Variants in SYNPO2 observed in about 807,000 individuals in gnomAD.
SYNPO2 encodes synaptopodin 2.
SYNPO2 carries 56 observed loss-of-function variants against 85.0 expected under a neutral mutation model. The ratio of observed to expected loss-of-function variants is 0.66; its 90% CI spans 0.53 to 0.82. The LOEUF (loss-of-function observed/expected upper bound fraction) is 0.82. SYNPO2 is among the 40% of genes least tolerant of loss of function. The pLI is 0.00. For missense variants in SYNPO2, 1,575 were observed against 1,534.2 expected (o/e 1.03, Z -0.44); for synonymous variants, 602 against 591.1 (o/e 1.02, Z -0.27).
At chr4:118,918,187 AT>A (rs1733417007) in intron 1 of SYNPO2, among the ~76,000 whole-genome samples, 1 of 152,188 alleles carries the variant, frequency 6.6e-6, no homozygotes, top group Non-Finnish European at 1.5e-5. Flanking sequence ...TAAAAAATCC[AT>A]TTTTTAAACA....
intron 1 of SYNPO2, among the ~76,000 whole-genome samples, chr4:118,961,523 A>G (rs1002082300): frequency 3.3e-5 from 5 of 152,160 alleles, no homozygotes; most frequent in African/African-American, 1.2e-4. Context: ...AGTATCCCCT[A>G]AGAGAGGCAT....
At chr4:118,887,254 G>A (rs987588059), upstream of SYNPO2, among the ~76,000 whole-genome samples, 1 of 151,880 alleles carries the variant, frequency 6.6e-6, no homozygotes, top group African/African-American at 2.4e-5. Flanking sequence ...CCTGCCTTGC[G>A]CCCTAAGCTG....
In SYNPO2 at chr4:119,026,876, A is replaced by G. The variant is rs752222529; in HGVS notation, c.507A>G (p.Gln169=). ...GCCCGAGCTACCAAAGGGCTCCCCAAATGCCTGACTCCCAAAGAGGACGCG... is the reference window on the plus strand; with the variant it reads ...GCCCGAGCTACCAAAGGGCTCCCCAGATGCCTGACTCCCAAAGAGGACGCG... ...ETGPSYQRAP[Q]MPDSQRGRVA... Residue 169 remains glutamine, a synonymous_variant, in exon 3 of 5, where the codon CAA becomes CAG. Transcript: ENST00000307142. The G allele has an allele frequency of 3.1e-6, 5 of 1,614,118 alleles. No homozygotes were observed. The Admixed American group carries it at 5.0e-5, about 16-fold the overall frequency.
chr4:118,926,111 A>G (rs534664362), intron 1 of SYNPO2, among the ~76,000 whole-genome samples: 43 of 152,238 alleles, frequency 2.8e-4, no homozygotes, highest in Middle Eastern at 3.4e-3. Flanking sequence ...AAGGTGTAGC[A>G]TGGAGTGTTT....
At chr4:118,957,951 A>G (rs984580031) in intron 1 of SYNPO2, among the ~76,000 whole-genome samples, 1 of 152,210 alleles carries the variant, frequency 6.6e-6, no homozygotes, top group Non-Finnish European at 1.5e-5. Context: ...ATATGCAGCC[A>G]CTTTTCTTGC....
intron 1 of SYNPO2, among the ~76,000 whole-genome samples, chr4:118,966,754 G>A (rs1437493007): frequency 6.6e-6 from 1 of 152,072 alleles, no homozygotes; most frequent in Non-Finnish European, 1.5e-5. Context: ...CCTGTATTGG[G>A]TATTACCTGA....
intron 4 of SYNPO2, among the ~76,000 whole-genome samples, chr4:119,048,271 G>A (rs1310622805): frequency 6.6e-6 from 1 of 152,200 alleles, no homozygotes; most frequent in East Asian, 1.9e-4. Flanking sequence ...ACTGATGTGT[G>A]AGAGGGGCTA....
chr4:118,925,820 G>C (rs1162757661), intron 1 of SYNPO2, among the ~76,000 whole-genome samples: 3 of 148,374 alleles, frequency 2.0e-5, no homozygotes, highest in Non-Finnish European at 4.5e-5. Context: ...AATTCTGCTC[G>C]GTGAGTTTGG....
intron 3 of SYNPO2, among the ~76,000 whole-genome samples, chr4:119,028,222 GTTT>G (rs11317450): frequency 4.4e-5 from 6 of 135,468 alleles, no homozygotes; most frequent in African/African-American, 8.1e-5. Flanking sequence ...ATTTTTGTTT[GTTT>G]TTTTTTTTTT....
intron 4 of SYNPO2, among the ~76,000 whole-genome samples, chr4:119,052,620 A>G (rs1469187258): frequency 6.6e-6 from 1 of 152,226 alleles, no homozygotes; most frequent in Non-Finnish European, 1.5e-5. Context: ...GTGGAAGTAG[A>G]GTGAAGAAGT....
In SYNPO2 at chr4:119,031,928, G is replaced by C. The variant is rs776587484; in HGVS notation, c.3153G>C (p.Val1051=). ...SSPVSASPVP[V]GIPTSPKQES... The stretch of plus-strand genomic sequence containing the variant: ...CAGTCAGTGCATCCCCAGTGCCTGT[G>C]GGCATTCCCACCTCGCCAAAGCAAG... Residue 1051 remains valine (V), a synonymous_variant, in exon 4 of 5, where the codon GTG becomes GTC. Transcript: ENST00000307142. 4 of 1,614,172 alleles carry C rather than the reference G, an allele frequency of 2.5e-6. No individual in the cohort carries two copies. In the South Asian group the frequency reaches 4.4e-5, roughly 18 times the overall value.
At chr4:119,028,311 C>T (rs541536452) in intron 3 of SYNPO2, among the ~76,000 whole-genome samples, 1 of 150,386 alleles carries the variant, frequency 6.6e-6, no homozygotes, top group East Asian at 2.0e-4. Flanking sequence ...ATATGATACA[C>T]AATGGCAATG....
intron 1 of SYNPO2, among the ~76,000 whole-genome samples, chr4:118,879,666 G>C (rs2149109817): frequency 6.6e-6 from 1 of 152,264 alleles, no homozygotes; most frequent in East Asian, 1.9e-4. Flanking sequence ...TGTTATGGCA[G>C]TCCAAAGAGA....
chr4:119,058,007 T>C lies in SYNPO2; in HGVS notation c.*73T>C. On this transcript the variant is annotated 3_prime_UTR_variant, in exon 5 of 5. Coordinates refer to ENST00000307142, the MANE Select transcript of SYNPO2 (RefSeq NM_133477.3). ...CGCTCCTTTGTAGGGTTTTAAACTTTTCTAATAGATTTAGATTCACTTTTG... is the reference window on the plus strand; with the variant it reads ...CGCTCCTTTGTAGGGTTTTAAACTTCTCTAATAGATTTAGATTCACTTTTG... The C allele has an allele frequency of 6.8e-7, 1 of 1,472,288 alleles. No homozygotes were observed. Among genetic ancestry groups the C allele is most frequent in the South Asian group, 1.4e-5 (1 of 71,796 alleles). The allele number at this position is 1,472,288 out of a possible 1,614,324, so 91.2% of individuals were successfully genotyped here.
rs1444366348 is a variant in SYNPO2 at position 119,027,396 on chromosome 4, A to C, written c.1027A>C (p.Lys343Gln). 13 of 1,612,210 alleles carry C rather than the reference A, an allele frequency of 8.1e-6. No individual in the cohort carries two copies. Among genetic ancestry groups the C allele is most frequent in the Non-Finnish European group, 9.3e-6 (11 of 1,179,414 alleles). Residue 343 changes from lysine (K) to glutamine (Q), a missense_variant, in exon 3 of 5, where the codon AAA becomes CAA. Coordinates refer to ENST00000307142, the MANE Select transcript of SYNPO2 (RefSeq NM_133477.3). ...TEQGEDPRSE[K>Q]DHSRPHKHRA... ...GCAGGGAGAAGATCCACGCTCGGAAAAAGATCACAGCAGACCTCACAAGCA... is the reference window on the plus strand; with the variant it reads ...GCAGGGAGAAGATCCACGCTCGGAACAAGATCACAGCAGACCTCACAAGCA...
At chr4:118,909,790 A>G (rs1468080327) in intron 1 of SYNPO2, among the ~76,000 whole-genome samples, 2 of 152,172 alleles carry the variant, frequency 1.3e-5, no homozygotes, top group African/African-American at 4.8e-5. Context: ...CATTACACTT[A>G]TATCTGTGTG....
chr4:118,927,178 T>C (rs925355529), intron 1 of SYNPO2, among the ~76,000 whole-genome samples: 1 of 152,124 alleles, frequency 6.6e-6, no homozygotes, highest in East Asian at 1.9e-4. Context: ...TTGCCCAACA[T>C]GCACAGCTTT....
chr4:118,967,054 T>C (rs1042077210), intron 1 of SYNPO2, among the ~76,000 whole-genome samples: 7 of 152,150 alleles, frequency 4.6e-5, no homozygotes, highest in African/African-American at 1.7e-4. Context: ...CACTAAATAG[T>C]TTACAAAGAT....
chr4:119,044,805 G>A (rs1738826588), intron 4 of SYNPO2, among the ~76,000 whole-genome samples: 1 of 152,126 alleles, frequency 6.6e-6, no homozygotes, highest in Admixed American at 6.5e-5. Context: ...GAAACATAGT[G>A]GACAGAAAAG....
Sources: gnomAD v4.1 joint callset for allele counts (sites outside exome capture counted in the v4.1 genomes callset) on GRCh38, gnomAD v4.1.1 for gene constraint, MANE v1.5 for transcripts, NCBI Gene and HGNC (gene_info 2026-07-23, HGNC 2026-07-21) for gene names.